Variants in KLHL29 observed in about 807,000 individuals in gnomAD.
The protein encoded by KLHL29 is kelch like family member 29, also known as kelch-like protein 29.
Under a neutral mutation model 80.4 loss-of-function variants are expected in KLHL29, and 21 were observed. The ratio of observed to expected loss-of-function variants is 0.26; its 90% confidence interval spans 0.19 to 0.38. The LOEUF (loss-of-function observed/expected upper bound fraction) is 0.38, where lower values mean the gene tolerates loss of function less well. Ranked by LOEUF, KLHL29 falls within the 10% of genes least tolerant of loss-of-function variation. The pLI is 1.00. For missense variants in KLHL29, 867 were observed against 1,223.9 expected, an observed-to-expected ratio of 0.71 and a Z score of 4.35; for synonymous variants, 511 against 526.8, an observed-to-expected ratio of 0.97 and a Z score of 0.41.
chr2:23,532,956 G>A (rs898568348), intron 2 of KLHL29, among the ~76,000 whole-genome samples: 3 of 152,136 alleles, frequency 2.0e-5, no homozygotes, highest in Non-Finnish European at 2.9e-5. Context: ...GAGAAAGCCT[G>A]GGGGCCGAGG....
chr2:23,452,931 C>A (rs976160161), intron 1 of KLHL29, among the ~76,000 whole-genome samples: 1 of 150,356 alleles, frequency 6.7e-6, no homozygotes, highest in Non-Finnish European at 1.5e-5. Context: ...CACACACATC[C>A]CCCAGCACTT....
intron 1 of KLHL29, among the ~76,000 whole-genome samples, chr2:23,387,402 C>T (rs996575944): frequency 4.6e-5 from 7 of 152,126 alleles, no homozygotes; most frequent in Admixed American, 1.3e-4. Context: ...GTTTCTTCCT[C>T]GCCGTGTGGT....
chr2:23,699,981 C>T (rs1478890966), intron 11 of KLHL29, among the ~76,000 whole-genome samples: 4 of 152,216 alleles, frequency 2.6e-5, no homozygotes, highest in Non-Finnish European at 1.5e-5. Context: ...ACTTGCTCAC[C>T]TTCCTGCAGT....
intron 2 of KLHL29, chr2:23,524,330 A>T: frequency 5.0e-6 from 1 of 200,986 alleles, no homozygotes. Flanking sequence ...CTTGGCTCGG[A>T]GGGGCTCAGG....
At chr2:23,546,214 G>C (rs13383440) in intron 2 of KLHL29, among the ~76,000 whole-genome samples, 60,655 of 152,136 alleles carry the variant, frequency 0.4, 13,506 homozygotes, top group East Asian at 0.88. Context: ...CAGGGAATGT[G>C]ACTGATGGGT....
At chr2:23,597,307 A>G (rs796597488) in intron 3 of KLHL29, among the ~76,000 whole-genome samples, 12,997 of 105,124 alleles carry the variant, frequency 0.12, 1,226 homozygotes, top group East Asian at 0.51. Context: ...ATATATATAT[A>G]TATGTGTGTG....
chr2:23,659,183 C>T (rs1031822776), intron 5 of KLHL29, among the ~76,000 whole-genome samples: 2 of 150,576 alleles, frequency 1.3e-5, no homozygotes, highest in Non-Finnish European at 2.9e-5. Flanking sequence ...CTAGGATGTG[C>T]GGGAGCTGAA....
At position 23,475,913 on chromosome 2, in the gene KLHL29, T is replaced by G. The variant is rs567168846; in HGVS notation, c.-46+246T>G. ...GAATATCTATGACTCTTTTTGTTGT[T>G]GTCCAGCCCAGGCTGGAGCGCAGTG... On this transcript the variant is annotated intron_variant, in intron 2 of 13. Coordinates refer to ENST00000486442, the MANE Select transcript of KLHL29 (RefSeq NM_052920.2). 1.0e-4 allele frequency among the ~76,000 whole-genome samples: 16 copies of G among 152,386 alleles called. No individual in the cohort carries two copies. The East Asian group carries it at 3.1e-3, about 29-fold the overall frequency.
chr2:23,579,395 A>G lies in KLHL29; in HGVS notation c.285+16914A>G, dbSNP rs965849492. ...TATCTGCCAGAACCTCAGATATAAA[A>G]TTCCCAGAATGGAGCTCCATATCCT... On this transcript the variant is annotated intron_variant, in intron 3 of 13. Transcript: ENST00000486442. 2.6e-5 allele frequency among the ~76,000 whole-genome samples: 4 copies of G among 152,134 alleles called. No individual in the cohort carries two copies. The South Asian group carries it at 6.2e-4, about 24-fold the overall frequency.
chr2:23,677,690 G>A (rs538014818), intron 5 of KLHL29, among the ~76,000 whole-genome samples: 99 of 152,370 alleles, frequency 6.5e-4, no homozygotes, highest in African/African-American at 2.3e-3. Flanking sequence ...TGGGAGGCGC[G>A]TGGAGCAGCA....
rs1451532481 is a variant in KLHL29 at position 23,562,217 on chromosome 2, C to G, written c.21C>G (p.Arg7=). 2 of 1,550,598 alleles carry G rather than the reference C, an allele frequency of 1.3e-6. No homozygotes were observed. The highest frequency in any genetic ancestry group is 4.9e-5 in the East Asian group (2 of 40,916). ...CCGAGATGTCCCGGCACCATAGCCG[C>G]TTCGAAAGAGATTACCGGGTGGGCT... MSRHHS[R]FERDYRVGWD... Residue 7 remains arginine (R), a synonymous_variant, in exon 3 of 14, where the codon CGC becomes CGG. Transcript: ENST00000486442. The surrounding 1 kb of genome is among the most constrained non-coding windows in gnomAD (Gnocchi z 4.5).
At chr2:23,591,315 G>T (rs1310110318) in intron 3 of KLHL29, among the ~76,000 whole-genome samples, 2 of 152,108 alleles carry the variant, frequency 1.3e-5, no homozygotes, top group Non-Finnish European at 2.9e-5. Context: ...AAAGAGCCAG[G>T]ACACAGTCCG....
chr2:23,397,752 G>A (rs570831264), intron 1 of KLHL29, among the ~76,000 whole-genome samples: 2 of 152,290 alleles, frequency 1.3e-5, no homozygotes, highest in South Asian at 2.1e-4. Flanking sequence ...CAATTAAAAC[G>A]TGCTTTCAAC....
chr2:23,638,336 A>G (rs1669673914), intron 3 of KLHL29, among the ~76,000 whole-genome samples: 1 of 152,008 alleles, frequency 6.6e-6, no homozygotes, highest in Admixed American at 6.5e-5. Flanking sequence ...TTTGATAGCT[A>G]TATAATATTC....
At chr2:23,692,674 G>A (rs1319632724) in intron 7 of KLHL29, among the ~76,000 whole-genome samples, 2 of 152,192 alleles carry the variant, frequency 1.3e-5, no homozygotes, top group Non-Finnish European at 2.9e-5. Flanking sequence ...GAAGGGGAAA[G>A]AGTGCAAGGC....
Position 23,639,228 on chromosome 2 carries a change from C to T in KLHL29, c.375C>T (p.Pro125=). Residue 125 remains proline (P), a synonymous_variant, in exon 4 of 14, where the codon CCC becomes CCT. Transcript: ENST00000486442. The stretch of plus-strand genomic sequence containing the variant: ...AGACGCCTATCAATCAGTCCACACC[C>T]TGGGACACTGATGAGCCACCCTCCA... ...WGQTPINQST[P]WDTDEPPSKQ... 6.5e-7 allele frequency: 1 copy of T among 1,549,008 alleles called. No individual in the cohort carries two copies.
chr2:23,578,941 G>A (rs1667912961), intron 3 of KLHL29, among the ~76,000 whole-genome samples: 1 of 152,178 alleles, frequency 6.6e-6, no homozygotes, highest in African/African-American at 2.4e-5. Context: ...CCAAAGTCAG[G>A]CATTTTGCAG....
chr2:23,422,815 G>A (rs1662859784), intron 1 of KLHL29, among the ~76,000 whole-genome samples: 2 of 152,208 alleles, frequency 1.3e-5, no homozygotes, highest in Non-Finnish European at 2.9e-5. Context: ...CAGTCTGCAT[G>A]TGCAGGTGGG....
chr2:23,477,747 C>A (rs1664677470), intron 2 of KLHL29, among the ~76,000 whole-genome samples: 1 of 152,160 alleles, frequency 6.6e-6, no homozygotes, highest in African/African-American at 2.4e-5. Flanking sequence ...GTCAGTTTGG[C>A]AGCCATGGCA....
Sources: gnomAD v4.1 joint callset for allele counts (sites outside exome capture counted in the v4.1 genomes callset) on GRCh38, gnomAD v4.1.1 for gene constraint, Gnocchi (gnomAD v3.1) non-coding constraint, MANE v1.5 for transcripts, NCBI Gene and HGNC (gene_info 2026-07-23, HGNC 2026-07-21) for gene names.